The following LYSMD1 variants were observed in gnomAD, a reference collection of about 807,000 sequenced individuals.
The protein encoded by LYSMD1 is lysM and putative peptidoglycan-binding domain-containing protein 1.
A neutral mutation model predicts 19.3 loss-of-function variants in LYSMD1; 9 were observed. The observed-to-expected ratio is 0.47, with a 90% confidence interval of 0.28 to 0.81. The LOEUF is 0.81. LYSMD1 is among the 40% of genes least tolerant of loss of function. LYSMD1 has a pLI of 0.11. For synonymous variants in LYSMD1, 111 were observed against 111.7 expected, an observed-to-expected ratio of 0.99 and a Z score of 0.04; for missense variants, 262 against 279.8, an observed-to-expected ratio of 0.94 and a Z score of 0.45.
In LYSMD1 at chr1:151,160,724, CA is replaced by C; in HGVS notation, c.*157del. The C allele has an allele frequency of 1.2e-6, 1 of 858,460 alleles. No individual in the cohort carries two copies. The highest frequency in any genetic ancestry group is 2.9e-4 in the Middle Eastern group (1 of 3,396). 53.2% of individuals were successfully genotyped at this position (858,460 alleles called of 1,614,324 possible). A position where few individuals can be genotyped will look rare whatever the true frequency, so the allele number is the denominator to read the frequency against. On this transcript the variant is annotated 3_prime_UTR_variant, in exon 3 of 3. Coordinates refer to ENST00000368908, the MANE Select transcript of LYSMD1 (RefSeq NM_212551.5). ...CCTAATCTTGCCAATAAAACTGCCC[CA>C]GGCCAAGGAATTTTTGGCAGACAAG...
At chr1:151,151,136 G>C in the LYSMD1 span, among the ~76,000 whole-genome samples, 1 of 151,984 alleles carries the variant, frequency 6.6e-6, no homozygotes. Context: ...CATTCTCATT[G>C]GTCAAGATAA....
the LYSMD1 span, among the ~76,000 whole-genome samples, chr1:151,151,785 C>T: frequency 3.3e-5 from 5 of 151,490 alleles, no homozygotes; most frequent in Admixed American, 6.6e-5. Flanking sequence ...CAAAATTAGC[C>T]GGGCATGGTG....
intron 2 of LYSMD1, 72 bp from the exon 3 acceptor site, chr1:151,161,092 AC>A: frequency 1.9e-6 from 3 of 1,542,572 alleles, no homozygotes; most frequent in Non-Finnish European, 2.7e-6. Flanking sequence ...AGTGAGAGGT[AC>A]ATGGAAAGCT....
downstream of LYSMD1, chr1:151,158,996 C>T (rs200626474): frequency 1.2e-5 from 20 of 1,614,268 alleles, no homozygotes; most frequent in Admixed American, 3.3e-5. Flanking sequence ...GGTGCCATGA[C>T]GGCACTTAGC....
At chr1:151,150,269 T>G in the LYSMD1 span, among the ~76,000 whole-genome samples, 1 of 152,200 alleles carries the variant, frequency 6.6e-6, no homozygotes, top group African/African-American at 2.4e-5. Context: ...ACCTGTCCTT[T>G]TCTACTGATA....
At chr1:151,153,783 G>A in the LYSMD1 span, among the ~76,000 whole-genome samples, 8 of 151,468 alleles carry the variant, frequency 5.3e-5, no homozygotes, top group South Asian at 2.1e-4. Flanking sequence ...TAGAAACCCC[G>A]TCTCTACTAA....
At position 151,165,506 on chromosome 1, in the gene LYSMD1, C is replaced by A; in HGVS notation, c.-248G>T. 2 of 1,440,412 alleles carry A rather than the reference C, an allele frequency of 1.4e-6. No individual in the cohort carries two copies. Among genetic ancestry groups the A allele is most frequent in the Non-Finnish European group, 1.8e-6 (2 of 1,103,128 alleles). The allele number at this position is 1,440,412 out of a possible 1,614,324, so 89.2% of individuals were successfully genotyped here. A position where few individuals can be genotyped will look rare whatever the true frequency, so the allele number is the denominator to read the frequency against. ...CCTAATTCTCCCCTAAGCACCCCTC[C>A]GACTTTGGACTCCCCCACAACTCCT... On this transcript the variant is annotated 5_prime_UTR_variant, in exon 1 of 3. Coordinates refer to ENST00000368908, the MANE Select transcript of LYSMD1 (RefSeq NM_212551.5).
chr1:151,162,727 T>C (rs1414124292), intron 1 of LYSMD1, among the ~76,000 whole-genome samples: 1 of 152,186 alleles, frequency 6.6e-6, no homozygotes, highest in African/African-American at 2.4e-5. Flanking sequence ...CATCCTTAAC[T>C]AATACTTGCC....
At chr1:151,149,659 G>A in the LYSMD1 span, among the ~76,000 whole-genome samples, 6 of 152,030 alleles carry the variant, frequency 3.9e-5, no homozygotes, top group African/African-American at 1.5e-4. Flanking sequence ...GCTGAGGCAG[G>A]AGAATTGCTT....
At chr1:151,161,334 A>G (rs1683442226) in intron 2 of LYSMD1, among the ~76,000 whole-genome samples, 1 of 152,130 alleles carries the variant, frequency 6.6e-6, no homozygotes, top group African/African-American at 2.4e-5. Flanking sequence ...CGCCTCTACT[A>G]AAAATACAAA....
chr1:151,158,526 C>G, downstream of LYSMD1: 1 of 599,534 alleles, frequency 1.7e-6, no homozygotes, highest in Non-Finnish European at 2.9e-6. Context: ...CAGGCAGGAG[C>G]AAGGCATAGA....
Position 151,160,253 on chromosome 1 carries a change from A to AAAAAAAAAAAAAAAAAAAAAAAAT in LYSMD1, c.*628_*629insATTTTTTTTTTTTTTTTTTTTTTT, listed in dbSNP as rs1339473224. 6.8e-6 allele frequency: 1 copy of AAAAAAAAAAAAAAAAAAAAAAAAT among 146,808 alleles called. No individual in the cohort carries two copies. The highest frequency in any genetic ancestry group is 6.9e-5 in the Admixed American group (1 of 14,542). 9.1% of individuals were successfully genotyped at this position (146,808 alleles called of 1,614,324 possible). ...AATGGGGTACCAAAAAAAAAAAAAA[A>AAAAAAAAAAAAAAAAAAAAAAAAT]AAGAATCAGCCCAAATCTGTCACTT... On this transcript the variant is annotated 3_prime_UTR_variant, in exon 3 of 3. Coordinates refer to ENST00000368908, the MANE Select transcript of LYSMD1 (RefSeq NM_212551.5).
At chr1:151,149,207 C>T in the LYSMD1 span, among the ~76,000 whole-genome samples, 2 of 151,886 alleles carry the variant, frequency 1.3e-5, no homozygotes, top group African/African-American at 4.8e-5. Context: ...GCCTGGCCAA[C>T]ATGGAGAAAC....
In LYSMD1 at chr1:151,160,922, C is replaced by T. The variant is rs1490056900; in HGVS notation, c.644G>A (p.Arg215Gln). 2.5e-6 allele frequency: 4 copies of T among 1,614,052 alleles called. No homozygotes were observed. Among genetic ancestry groups the T allele is most frequent in the Non-Finnish European group, 3.4e-6 (4 of 1,180,016 alleles). Reference sequence around the variant, plus strand: ...TTCATCCTCCTGGTCCCGTAGTGTCCGGGTCCGAGAGGTACGGGTCAGCGG... The same window carrying T: ...TTCATCCTCCTGGTCCCGTAGTGTCTGGGTCCGAGAGGTACGGGTCAGCGG... ...PVPLTRTSRT[R>Q]TLRDQEDEIF... Residue 215 changes from arginine (R) to glutamine (Q), a missense_variant, in exon 3 of 3, where the codon CGG becomes CAG. By Grantham distance (43) the Arg-to-Gln change is conservative (BLOSUM62 1). Coordinates refer to ENST00000368908, the MANE Select transcript of LYSMD1 (RefSeq NM_212551.5).
chr1:151,161,157 A>G (rs1683432945), intron 2 of LYSMD1, 137 bp from the exon 3 acceptor site: 1 of 837,066 alleles, frequency 1.2e-6, no homozygotes, highest in East Asian at 2.7e-5. Context: ...CCCTCTAGAT[A>G]AATCCTAACC....
At chr1:151,154,999 A>T (rs2101676547), downstream of LYSMD1, among the ~76,000 whole-genome samples, 1 of 152,220 alleles carries the variant, frequency 6.6e-6, no homozygotes, top group East Asian at 1.9e-4. Flanking sequence ...ACCTCAGGTG[A>T]TCCACCCACC....
chr1:151,158,624 C>A, downstream of LYSMD1: 2 of 1,317,828 alleles, frequency 1.5e-6, no homozygotes, highest in South Asian at 1.5e-5. Flanking sequence ...AAGGGAAAAG[C>A]CATTTCTCTC....
chr1:151,160,878 G>A lies in LYSMD1; in HGVS notation c.*4C>T. The A allele has an allele frequency of 1.2e-6, 2 of 1,613,492 alleles. No individual in the cohort carries two copies. The highest frequency in any genetic ancestry group is 1.7e-6 in the Non-Finnish European group (2 of 1,179,500). On this transcript the variant is annotated 3_prime_UTR_variant, in exon 3 of 3. Transcript: ENST00000368908. ...CTTGCTTCTCTCAGTCAGTTCTGGG[G>A]ACATCAGAGTTTGAAGATTTCATCC...
chr1:151,162,676 C>G (rs1458071700), intron 1 of LYSMD1, among the ~76,000 whole-genome samples: 3 of 152,138 alleles, frequency 2.0e-5, no homozygotes, highest in African/African-American at 7.2e-5. Flanking sequence ...ACTGGCATCA[C>G]CATCTATCTG....
Sources: gnomAD v4.1 joint callset for allele counts (sites outside exome capture counted in the v4.1 genomes callset) on GRCh38, gnomAD v4.1.1 for gene constraint, MANE v1.5 for transcripts, NCBI Gene and HGNC (gene_info 2026-07-23, HGNC 2026-07-21) for gene names.